The following TAF7L variants were observed in gnomAD, a reference collection of about 807,000 sequenced individuals.
The protein encoded by TAF7L is TATA-box binding protein associated factor 7 like.
A neutral mutation model predicts 30.2 loss-of-function variants in TAF7L; 6 were observed. The observed-to-expected ratio is 0.20, with a 90% CI of 0.11 to 0.39. The LOEUF (loss-of-function observed/expected upper bound fraction) is 0.39. Among genes scored for constraint, TAF7L ranks in the 10% least tolerant of loss-of-function variants. TAF7L has a pLI of 1.00. For missense variants in TAF7L, 284 were observed against 277.1 expected, an observed-to-expected ratio of 1.03 and a Z score of -0.18; for synonymous variants, 93 against 94.5, an observed-to-expected ratio of 0.98 and a Z score of 0.09.
Position 101,282,453 on chromosome X carries a change from T to G in TAF7L, c.280A>C (p.Met94Leu), listed in dbSNP as rs1385608630. ...TCACCATCAGCAGTGCACACAAGCA[T>G]CTACATTTAACAAAGACAAAGAAGT... ...TFYKTADISQMLVCTADGDIH... is the reference protein window; with the variant it reads ...TFYKTADISQLLVCTADGDIH... Residue 94 changes from methionine (M) to leucine (L), a missense_variant and splice_region_variant, in exon 5 of 13, where the codon ATG becomes CTG. By Grantham distance (15) the Met-to-Leu change is conservative (BLOSUM62 2). Transcript: ENST00000356784. 2 of 1,208,640 alleles carry G rather than the reference T, an allele frequency of 1.7e-6. No homozygotes were observed. Among genetic ancestry groups the G allele is most frequent in the Admixed American group, 2.2e-5 (1 of 45,470 alleles).
intron 2 of TAF7L, among the ~76,000 whole-genome samples, chrX:101,287,175 C>T (rs906129443): frequency 3.6e-5 from 4 of 111,157 alleles, no homozygotes; most frequent in Non-Finnish European, 5.7e-5. Flanking sequence ...TCAGAGGAGC[C>T]GTATCTTGGC....
intron 12 of TAF7L, among the ~76,000 whole-genome samples, chrX:101,269,652 C>T (rs1013570976): frequency 9.0e-6 from 1 of 110,847 alleles, no homozygotes; most frequent in Admixed American, 9.6e-5. Context: ...CAGGGAAACT[C>T]CCCTTTTTAA....
At position 101,281,484 on chromosome X, in the gene TAF7L, G is replaced by C. The variant is rs1218400017; in HGVS notation, c.462+236C>G. On this transcript the variant is annotated intron_variant, in intron 6 of 12. Coordinates refer to ENST00000356784, the MANE Select transcript of TAF7L (RefSeq NM_001168474.2). ...GCATTAACAGAAGTTTCAAATGTATGATTCTTCCAGACCCCAAATGACTAG... is the reference window on the plus strand; with the variant it reads ...GCATTAACAGAAGTTTCAAATGTATCATTCTTCCAGACCCCAAATGACTAG... Among the ~76,000 whole-genome samples the C allele has an allele frequency of 3.6e-5, 4 of 111,539 alleles. No individual in the cohort carries two copies. The Admixed American group carries it at 3.8e-4, about 11-fold the overall frequency.
chrX:101,291,664 A>ATC (rs1325517279), upstream of TAF7L, among the ~76,000 whole-genome samples: 1 of 108,821 alleles, frequency 9.2e-6, no homozygotes, highest in African/African-American at 3.4e-5. Flanking sequence ...CAAAAGATCG[A>ATC]GACCATCCTG....
chrX:101,278,009 G>A, intron 8 of TAF7L, 40 bp downstream of exon 8: 1 of 1,144,412 alleles, frequency 8.7e-7, no homozygotes, highest in Non-Finnish European at 1.2e-6. Context: ...TACAAATGGG[G>A]CAGAACAGAC....
intron 11 of TAF7L, 38 bp from the exon 12 acceptor site, chrX:101,275,319 T>C: frequency 1.3e-6 from 1 of 786,081 alleles, no homozygotes; most frequent in Non-Finnish European, 1.7e-6. Flanking sequence ...ACACTGAGTC[T>C]CAAAGAAAAA....
chrX:101,287,474 T>A lies in TAF7L; in HGVS notation c.66+4A>T. 8.4e-7 allele frequency: 1 copy of A among 1,186,809 alleles called. No individual in the cohort carries two copies. The highest frequency in any genetic ancestry group is 1.8e-5 in the South Asian group (1 of 55,105). On this transcript the variant is annotated splice_donor_region_variant and intron_variant, in intron 2 of 12. Transcript: ENST00000356784. ...GATATTTGTTCTGAGATACAAGTTC[T>A]TACCAGAGGCAGACGCAATATAAAC... is the stretch of plus-strand genomic sequence containing the variant.
Position 101,277,647 on chromosome X carries a change from G to T in TAF7L, c.650C>A (p.Ser217Tyr). The T allele has an allele frequency of 8.3e-7, 1 of 1,203,996 alleles. No homozygotes were observed. The highest frequency in any genetic ancestry group is 1.1e-6 in the Non-Finnish European group (1 of 892,891). The part of the protein sequence containing the change: ...SQGSIPGFLI[S>Y]SGMSSHKQGH... The stretch of plus-strand genomic sequence containing the variant: ...CTGCTTGTGGCTGCTCATTCCCGAG[G>T]ATATCAAAAATCCTGGGATGGAGCC... The change falls in exon 9 of 13, where the codon TCC becomes TAC. Residue 217 changes from serine (S) to tyrosine (Y), a missense_variant. Coordinates refer to ENST00000356784, the MANE Select transcript of TAF7L (RefSeq NM_001168474.2).
At chrX:101,273,105 A>G (rs1169841158) in intron 12 of TAF7L, among the ~76,000 whole-genome samples, 1 of 111,788 alleles carries the variant, frequency 8.9e-6, no homozygotes, top group Admixed American at 9.5e-5. Flanking sequence ...TTTATGAATT[A>G]CATCTGTTAT....
Position 101,286,631 on chromosome X carries a change from T to C in TAF7L, c.89A>G (p.Asn30Ser), listed in dbSNP as rs1924614001. ...CTTGACACTTTGAGAACGTGCTAGG[T>C]TCCTGACAGTACAAGCATGTTCCTA... ...LPLEHACTVR[N>S]LARSQSVKMK... is the part of the protein sequence containing the mutation. Residue 30 changes from asparagine (N) to serine (S), a missense_variant, in exon 3 of 13, where the codon AAC becomes AGC. By Grantham distance (46) the Asn-to-Ser change is conservative (BLOSUM62 1). Coordinates refer to ENST00000356784, the MANE Select transcript of TAF7L (RefSeq NM_001168474.2). 8.3e-7 allele frequency: 1 copy of C among 1,208,344 alleles called. No individual in the cohort carries two copies. The highest frequency in any genetic ancestry group is 1.8e-5 in the South Asian group (1 of 56,487).
intron 11 of TAF7L, 115 bp from the exon 12 acceptor site, chrX:101,275,396 T>A: frequency 3.8e-6 from 2 of 520,854 alleles, no homozygotes; most frequent in Non-Finnish European, 6.0e-6. Flanking sequence ...TGAGGCGGAA[T>A]CTTCCTCTGT....
intron 5 of TAF7L, among the ~76,000 whole-genome samples, chrX:101,282,035 G>A (rs890290249): frequency 4.6e-5 from 5 of 109,390 alleles, no homozygotes; most frequent in South Asian, 4.0e-4. Context: ...ACAGGTGCCC[G>A]CCACCACACC....
chrX:101,275,592 G>A (rs1268277143), intron 11 of TAF7L, among the ~76,000 whole-genome samples: 1 of 110,001 alleles, frequency 9.1e-6, no homozygotes, highest in Admixed American at 9.7e-5. Context: ...CCTTACTCAG[G>A]GATCATTTAC....
At chrX:101,292,784 A>C, upstream of TAF7L, 2 of 1,204,236 alleles carry the variant, frequency 1.7e-6, no homozygotes. Flanking sequence ...TTAAAAAACC[A>C]CCTACCTTTC....
chrX:101,291,907 G>T (rs1242210264), upstream of TAF7L, among the ~76,000 whole-genome samples: 2 of 103,214 alleles, frequency 1.9e-5, no homozygotes, highest in African/African-American at 3.6e-5. Context: ...CCTTCAGGGC[G>T]CCAGAAGATT....
intron 4 of TAF7L, among the ~76,000 whole-genome samples, chrX:101,282,930 T>C (rs1161167654): frequency 9.0e-6 from 1 of 110,547 alleles, no homozygotes; most frequent in African/African-American, 3.3e-5. Context: ...CACACCTGGC[T>C]AATCTTGTTT....
intron 3 of TAF7L, among the ~76,000 whole-genome samples, chrX:101,284,879 C>T (rs867535536): frequency 8.2e-5 from 9 of 109,454 alleles, no homozygotes; most frequent in African/African-American, 2.7e-4. Context: ...TATTTATTTA[C>T]TTATTTACTT....
intron 2 of TAF7L, among the ~76,000 whole-genome samples, chrX:101,287,174 C>T (rs1038390854): frequency 3.6e-5 from 4 of 111,209 alleles, no homozygotes; most frequent in Admixed American, 9.7e-5. Flanking sequence ...TTCAGAGGAG[C>T]CGTATCTTGG....
At chrX:101,271,181 A>G (rs16988368) in intron 12 of TAF7L, among the ~76,000 whole-genome samples, 6,219 of 111,804 alleles carry the variant, frequency 0.056, 495 homozygotes, top group African/African-American at 0.19. Context: ...TGGATAAATG[A>G]ACTAACATAA....
Sources: gnomAD v4.1 joint callset for allele counts (sites outside exome capture counted in the v4.1 genomes callset) on GRCh38, gnomAD v4.1.1 for gene constraint, MANE v1.5 for transcripts, NCBI Gene and HGNC (gene_info 2026-07-23, HGNC 2026-07-21) for gene names.